FOXP2: variants seen among roughly 807,000 people sequenced by gnomAD.
FOXP2 encodes the protein forkhead box P2, also known as forkhead box protein P2.
In FOXP2, 12 loss-of-function variants were observed where a neutral mutation model predicts 115.8. That is an observed-to-expected ratio of 0.10 (90% CI 0.07 to 0.17). The LOEUF is 0.17. Among genes scored for constraint, FOXP2 ranks in the 10% least tolerant of loss-of-function variants. The pLI is 1.00. For synonymous variants in FOXP2, 328 were observed against 297.7 expected (o/e 1.10, Z -1.05); for missense variants, 629 against 843.5 (o/e 0.75, Z 3.15).
At chr7:114,334,385 A>G (rs1445073225) in intron 2 of FOXP2, among the ~76,000 whole-genome samples, 2 of 151,826 alleles carry the variant, frequency 1.3e-5, no homozygotes, top group Non-Finnish European at 2.9e-5. Flanking sequence ...CTGAGCTAAA[A>G]AAAAAAAAAA....
chr7:114,417,349 C>T (rs1793393494), intron 1 of FOXP2, among the ~76,000 whole-genome samples: 1 of 151,944 alleles, frequency 6.6e-6, no homozygotes, highest in Non-Finnish European at 1.5e-5. Flanking sequence ...TCCTCTAAAA[C>T]AATGAATTTT....
chr7:114,291,248 A>G (rs1796581326), intron 2 of FOXP2, among the ~76,000 whole-genome samples: 1 of 152,110 alleles, frequency 6.6e-6, no homozygotes, highest in African/African-American at 2.4e-5. Flanking sequence ...CATGGCAGAA[A>G]GGGGATGAGA....
intron 1 of FOXP2, among the ~76,000 whole-genome samples, chr7:114,220,632 T>A (rs142375637): frequency 2.6e-4 from 40 of 152,304 alleles, no homozygotes; most frequent in Non-Finnish European, 5.6e-4. Context: ...ATGCATGTTA[T>A]CTCTGCTTAG....
In FOXP2 at chr7:114,690,126, CT is replaced by C. The variant is rs765642576; in HGVS notation, c.*202del. On this transcript the variant is annotated 3_prime_UTR_variant, in exon 17 of 17. Coordinates refer to ENST00000350908, the MANE Select transcript of FOXP2 (RefSeq NM_014491.4). Reference sequence around the variant, plus strand: ...AATTGCTTGTTTTCTTCTTCTTCTTCTTCTTTTTTTTTTTTTTTTTAGAAAA... The same window carrying C: ...AATTGCTTGTTTTCTTCTTCTTCTTCTCTTTTTTTTTTTTTTTTTAGAAAA... 1 of 472,432 alleles carries C rather than the reference CT, an allele frequency of 2.1e-6. No homozygotes were observed. Among genetic ancestry groups the C allele is most frequent in the South Asian group, 1.9e-5 (1 of 51,400 alleles). The allele number at this position is 472,432 out of a possible 1,614,324, so 29.3% of individuals were successfully genotyped here.
At chr7:114,389,453 T>C (rs2129193843) in intron 2 of FOXP2, among the ~76,000 whole-genome samples, 1 of 152,340 alleles carries the variant, frequency 6.6e-6, no homozygotes, top group Non-Finnish European at 1.5e-5. Flanking sequence ...AGACAAATTT[T>C]AAGGTTGGCA....
intron 2 of FOXP2, among the ~76,000 whole-genome samples, chr7:114,385,145 G>T (rs1199299444): frequency 4.6e-5 from 7 of 151,864 alleles, no homozygotes; most frequent in Admixed American, 4.6e-4. Context: ...TGCCCATGTC[G>T]AGAGCTGTAT....
intron 1 of FOXP2, among the ~76,000 whole-genome samples, chr7:114,285,786 T>G (rs1796451792): frequency 6.6e-6 from 1 of 152,026 alleles, no homozygotes; most frequent in Non-Finnish European, 1.5e-5. Flanking sequence ...GAACATTTCC[T>G]TTTCAAGGTT....
rs138818111 is a variant in FOXP2, at chr7:114,194,295, G to A, written c.-102+31207G>A. Among the ~76,000 whole-genome samples the A allele has an allele frequency of 4.6e-3, 702 of 151,764 alleles. 8 individuals are homozygous for A. Among genetic ancestry groups the A allele is most frequent in the African/African-American group, 0.016 (666 of 41,436 alleles). On this transcript the variant is annotated intron_variant, in intron 1 of 17. Coordinates refer to the FOXP2 transcript ENST00000634411. Reference sequence around the variant, plus strand: ...TTTTACTGGCTTCTTAAATCCTGCTGCATTGCTTTTTGCCTTTTCTTCTTT... The same window carrying A: ...TTTTACTGGCTTCTTAAATCCTGCTACATTGCTTTTTGCCTTTTCTTCTTT...
rs377572652 is a variant in FOXP2 at position 114,166,407 on chromosome 7, A to C, written c.-102+3319A>C. 3.9e-5 allele frequency among the ~76,000 whole-genome samples: 6 copies of C among 152,298 alleles called. No individual in the cohort carries two copies. In the East Asian group the frequency reaches 1.2e-3, roughly 29 times the overall value. On this transcript the variant is annotated intron_variant, in intron 1 of 17. Transcript: ENST00000634411. ...TATACTACAAAGAACTCTTAAAAAT[A>C]ATAAGAAAACATATGGCCAGGTGTG...
intron 1 of FOXP2, among the ~76,000 whole-genome samples, chr7:114,262,830 T>C (rs1795791303): frequency 1.3e-5 from 2 of 152,230 alleles, no homozygotes; most frequent in African/African-American, 4.8e-5. Context: ...TTGTTGATCA[T>C]GCACACTCAT....
In FOXP2 at chr7:114,631,594, C is replaced by T; in HGVS notation, c.664C>T (p.Leu222Phe). 2 of 1,610,604 alleles carry T rather than the reference C, an allele frequency of 1.2e-6. No homozygotes were observed. Among genetic ancestry groups the T allele is most frequent in the South Asian group, 1.1e-5 (1 of 90,276 alleles). ...GCAGCTTGTCTTCCAGCAGCAGCTT[C>T]TCCAGATGCAACAACTCCAGCAGCA... ...AQQLVFQQQL[L>F]QMQQLQQQQH... is the part of the protein sequence containing the mutation. Residue 222 changes from leucine (L) to phenylalanine (F), a missense_variant, in exon 6 of 17, where the codon CTC (leucine) becomes TTC (phenylalanine). Physicochemically the swap from Leu to Phe is conservative, Grantham distance 22. This residue lies in a region of FOXP2 where 138 missense variants were observed against 205.1 expected (regional missense o/e 0.67). Coordinates refer to ENST00000350908, the MANE Select transcript of FOXP2 (RefSeq NM_014491.4).
intron 1 of FOXP2, among the ~76,000 whole-genome samples, chr7:114,255,600 C>T (rs771721961): frequency 6.6e-6 from 1 of 152,146 alleles, no homozygotes; most frequent in Non-Finnish European, 1.5e-5. Flanking sequence ...GCCAGGCGGG[C>T]AATATAATCT....
rs771841065 is a variant in FOXP2, at chr7:114,415,084, C to T, written c.-287C>T. 2 of 454,162 alleles carry T rather than the reference C, an allele frequency of 4.4e-6. No individual in the cohort carries two copies. The highest frequency in any genetic ancestry group is 3.1e-5 in the South Asian group (2 of 64,442). 28.1% of individuals were successfully genotyped at this position (454,162 alleles called of 1,614,324 possible). On this transcript the variant is annotated 5_prime_UTR_variant, in exon 1 of 17. Coordinates refer to ENST00000350908, the MANE Select transcript of FOXP2 (RefSeq NM_014491.4). Reference sequence around the variant, plus strand: ...TTTTGTGTACGATTGTCCACGGACGCCAAAACAATCACAGAGCTGCTTGAT... The same window carrying T: ...TTTTGTGTACGATTGTCCACGGACGTCAAAACAATCACAGAGCTGCTTGAT...
intron 1 of FOXP2, among the ~76,000 whole-genome samples, chr7:114,202,643 C>G (rs1000991161): frequency 6.6e-6 from 1 of 152,126 alleles, no homozygotes; most frequent in Non-Finnish European, 1.5e-5. Context: ...GTATTGGAAA[C>G]CTGGTTAAGT....
chr7:114,638,705 C>A (rs1365944734), intron 6 of FOXP2, among the ~76,000 whole-genome samples: 4 of 152,112 alleles, frequency 2.6e-5, no homozygotes, highest in African/African-American at 9.7e-5. Flanking sequence ...GCCTGTGTTT[C>A]CCCTCTAAAA....
At chr7:114,214,285 G>A (rs1280356211) in intron 1 of FOXP2, among the ~76,000 whole-genome samples, 1 of 152,128 alleles carries the variant, frequency 6.6e-6, no homozygotes, top group Non-Finnish European at 1.5e-5. Context: ...ATTTGATCAA[G>A]AGCTCACAGT....
At chr7:114,243,390 A>G (rs2129168008) in intron 1 of FOXP2, among the ~76,000 whole-genome samples, 1 of 152,250 alleles carries the variant, frequency 6.6e-6, no homozygotes, top group East Asian at 1.9e-4. Flanking sequence ...AGTTTGAAAT[A>G]AGAGCCCAGG....
chr7:114,506,517 C>A (rs1797826086), intron 2 of FOXP2, among the ~76,000 whole-genome samples: 2 of 151,526 alleles, frequency 1.3e-5, no homozygotes, highest in Non-Finnish European at 3.0e-5. Context: ...TTGTATTAAT[C>A]ACTTTCATGT....
chr7:114,376,893 G>A (rs145988591), intron 2 of FOXP2, among the ~76,000 whole-genome samples: 1 of 152,138 alleles, frequency 6.6e-6, no homozygotes, highest in South Asian at 2.1e-4. Flanking sequence ...ATTATGAAAG[G>A]CCTCTTTTTT....
Sources: allele counts gnomAD v4.1 joint callset (sites outside exome capture counted in the v4.1 genomes callset), GRCh38; gene constraint gnomAD v4.1.1; regional missense constraint gnomAD v4.1.1; transcripts MANE v1.5; gene names NCBI Gene and HGNC (gene_info 2026-07-23, HGNC 2026-07-21).